The following MAN1A2 variants were observed in gnomAD, a reference collection of about 807,000 sequenced individuals.
MAN1A2 encodes mannosidase alpha class 1A member 2.
A neutral mutation model predicts 75.7 loss-of-function variants in MAN1A2; 26 were observed. The ratio of observed to expected loss-of-function variants is 0.34; its 90% CI spans 0.25 to 0.48. The LOEUF is 0.48. MAN1A2 is among the 20% of genes least tolerant of loss of function. The pLI is 0.99. For synonymous variants in MAN1A2, 247 were observed against 264.6 expected, an observed-to-expected ratio of 0.93 and a Z score of 0.65; for missense variants, 562 against 775.5, an observed-to-expected ratio of 0.72 and a Z score of 3.27.
intron 8 of MAN1A2, among the ~76,000 whole-genome samples, chr1:117,478,215 A>G (rs565465025): frequency 2.3e-4 from 35 of 152,036 alleles, no homozygotes; most frequent in African/African-American, 6.0e-4. Context: ...ACTCTTTGCT[A>G]TCCATTTATC....
At chr1:117,376,143 C>T (rs893863548) in intron 1 of MAN1A2, among the ~76,000 whole-genome samples, 5 of 152,182 alleles carry the variant, frequency 3.3e-5, no homozygotes, top group African/African-American at 1.2e-4. Flanking sequence ...ATCTCCTGAC[C>T]TCGTGATCCG....
chr1:117,491,037 C>T (rs1287307668), intron 8 of MAN1A2, among the ~76,000 whole-genome samples: 2 of 151,880 alleles, frequency 1.3e-5, no homozygotes, highest in African/African-American at 4.8e-5. Context: ...AAGCTGCCTC[C>T]AAAACATAAA....
Position 117,374,237 on chromosome 1 carries a change from T to TCG in MAN1A2, c.302+5752_302+5753insCG, listed in dbSNP as rs1570690833. 2.6e-5 allele frequency among the ~76,000 whole-genome samples: 4 copies of TCG among 152,182 alleles called. No individual in the cohort carries two copies. In the East Asian group the frequency reaches 7.8e-4, roughly 30 times the overall value. ...ACTTGAGCCCAGGAGTTCGAGGGTG[T>TCG]AGTTAGCTATGATTGTGTCCGTGCA... is the stretch of plus-strand genomic sequence containing the variant. On this transcript the variant is annotated intron_variant, in intron 1 of 12. Coordinates refer to ENST00000356554, the MANE Select transcript of MAN1A2 (RefSeq NM_006699.5).
At position 117,467,233 on chromosome 1, in the gene MAN1A2, A is replaced by G. The variant is rs573934665; in HGVS notation, c.1168+806A>G. ...ACAAAAACAAATAATAGAGATTGCA[A>G]CTTTGCCGCTAATAAAACATGATTC... On this transcript the variant is annotated intron_variant, in intron 8 of 12. Coordinates refer to ENST00000356554, the MANE Select transcript of MAN1A2 (RefSeq NM_006699.5). Among the ~76,000 whole-genome samples the G allele has an allele frequency of 5.9e-5, 9 of 152,284 alleles. No individual in the cohort carries two copies. In the South Asian group the frequency reaches 1.7e-3, roughly 28 times the overall value.
rs1651050595 is a variant in MAN1A2, at chr1:117,496,912, T to G, written c.1434T>G (p.Asp478Glu). 6.2e-7 allele frequency: 1 copy of G among 1,612,682 alleles called. No individual in the cohort carries two copies. The highest frequency in any genetic ancestry group is 8.5e-7 in the Non-Finnish European group (1 of 1,179,184). ...FALGADGSRADKAGHYLELGA... is the reference protein window; with the variant it reads ...FALGADGSRAEKAGHYLELGA... Reference sequence around the variant, plus strand: ...TAGGAGCAGATGGTTCCAGAGCAGATAAAGCTGGTCATTATTTAGAGCTAG... The same window carrying G: ...TAGGAGCAGATGGTTCCAGAGCAGAGAAAGCTGGTCATTATTTAGAGCTAG... The change falls in exon 10 of 13, where the codon GAT (aspartate) becomes GAG (glutamate). Residue 478 changes from aspartate to glutamate, a missense_variant. Asp to Glu is a conservative substitution (Grantham distance 45). Transcript: ENST00000356554.
At chr1:117,374,954 T>G (rs1307149789) in intron 1 of MAN1A2, among the ~76,000 whole-genome samples, 2 of 152,204 alleles carry the variant, frequency 1.3e-5, no homozygotes, top group Non-Finnish European at 2.9e-5. Context: ...TATTATTATT[T>G]ACATAATGAA....
chr1:117,407,388 T>C (rs989164068), intron 3 of MAN1A2, among the ~76,000 whole-genome samples: 14 of 152,172 alleles, frequency 9.2e-5, no homozygotes, highest in African/African-American at 3.4e-4. Context: ...TATTTTTTGA[T>C]CTTTTTCTTT....
Position 117,526,391 on chromosome 1 carries a change from A to G in MAN1A2, c.*3434A>G, listed in dbSNP as rs1652020651. The G allele has an allele frequency of 1.3e-5, 2 of 151,934 alleles. No individual in the cohort carries two copies. Among genetic ancestry groups the G allele is most frequent in the South Asian group, 4.1e-4 (2 of 4,828 alleles). The allele number at this position is 151,934 out of a possible 1,614,324, so 9.4% of individuals were successfully genotyped here. A position where few individuals can be genotyped will look rare whatever the true frequency, so the allele number is the denominator to read the frequency against. On this transcript the variant is annotated 3_prime_UTR_variant, in exon 13 of 13. Transcript: ENST00000356554. ...CTTAATTTTATATTTCATATAAATTAAAGAGGAAAAAGAAAAGGTTTATAA... is the reference window on the plus strand; with the variant it reads ...CTTAATTTTATATTTCATATAAATTGAAGAGGAAAAAGAAAAGGTTTATAA...
intron 7 of MAN1A2, among the ~76,000 whole-genome samples, chr1:117,465,523 GT>G (rs1649955107): frequency 6.6e-6 from 1 of 152,128 alleles, no homozygotes; most frequent in Admixed American, 6.5e-5. Context: ...AATTGATATT[GT>G]ACTCAGGTCC....
At chr1:117,398,976 C>G (rs72689597) in intron 1 of MAN1A2, among the ~76,000 whole-genome samples, 11,619 of 152,124 alleles carry the variant, frequency 0.076, 498 homozygotes, top group Middle Eastern at 0.15. Flanking sequence ...AAGCGTATTA[C>G]AGTAGTTTAG....
chr1:117,393,620 C>G (rs1653804847), intron 1 of MAN1A2, among the ~76,000 whole-genome samples: 1 of 151,868 alleles, frequency 6.6e-6, no homozygotes, highest in South Asian at 2.1e-4. Context: ...TGTTACTTAT[C>G]TTTTAAAAGG....
intron 5 of MAN1A2, among the ~76,000 whole-genome samples, chr1:117,422,471 A>G (rs748184490): frequency 6.6e-6 from 1 of 152,174 alleles, no homozygotes; most frequent in African/African-American, 2.4e-5. Context: ...TATCTTGGAT[A>G]AATACATAGG....
At chr1:117,470,831 T>A (rs1484740256) in intron 8 of MAN1A2, among the ~76,000 whole-genome samples, 2 of 151,974 alleles carry the variant, frequency 1.3e-5, no homozygotes, top group Non-Finnish European at 2.9e-5. Flanking sequence ...AAAACAAACA[T>A]TTAATTGAAC....
chr1:117,418,211 C>T (rs140278057), intron 4 of MAN1A2, among the ~76,000 whole-genome samples: 2 of 152,154 alleles, frequency 1.3e-5, no homozygotes, highest in African/African-American at 4.8e-5. Context: ...GTTCTAGATT[C>T]TGTGGATATA....
At chr1:117,512,808 C>T (rs1651581282) in intron 12 of MAN1A2, among the ~76,000 whole-genome samples, 1 of 146,748 alleles carries the variant, frequency 6.8e-6, no homozygotes, top group Admixed American at 7.1e-5. Context: ...AAGTGAATTT[C>T]ACTTCTACTA....
intron 4 of MAN1A2, 116 bp from the exon 5 acceptor site, chr1:117,420,453 A>T (rs1337682802): frequency 1.4e-6 from 1 of 729,026 alleles, no homozygotes. Context: ...GAAGATGCAG[A>T]AAGTAGAAAA....
At chr1:117,417,697 C>CACACAT (rs1349777676) in intron 4 of MAN1A2, among the ~76,000 whole-genome samples, 1 of 147,810 alleles carries the variant, frequency 6.8e-6, no homozygotes, top group Non-Finnish European at 1.5e-5. Context: ...CGTGCACACA[C>CACACAT]ACACACACAC....
chr1:117,510,380 G>A (rs543535570), intron 12 of MAN1A2, among the ~76,000 whole-genome samples: 1 of 152,182 alleles, frequency 6.6e-6, no homozygotes, highest in South Asian at 2.1e-4. Flanking sequence ...GAAGTATGGA[G>A]ACATTTAGGC....
In MAN1A2 at chr1:117,367,794, C is replaced by G. The variant is rs1652817530; in HGVS notation, c.-390C>G. On this transcript the variant is annotated 5_prime_UTR_variant, in exon 1 of 13. Coordinates refer to ENST00000356554, the MANE Select transcript of MAN1A2 (RefSeq NM_006699.5). ...ACCTTCTACAACTCCTCGGATGTCG[C>G]CAGTCTCCCTTTCGGGGCGGAAGAC... 2 of 177,288 alleles carry G rather than the reference C, an allele frequency of 1.1e-5. No individual in the cohort carries two copies. Among genetic ancestry groups the G allele is most frequent in the Admixed American group, 5.8e-5 (1 of 17,166 alleles). 11.0% of individuals were successfully genotyped at this position (177,288 alleles called of 1,614,324 possible).
Sources: allele counts gnomAD v4.1 joint callset (sites outside exome capture counted in the v4.1 genomes callset), GRCh38; gene constraint gnomAD v4.1.1; transcripts MANE v1.5; gene names NCBI Gene and HGNC (gene_info 2026-07-23, HGNC 2026-07-21).